The following CLOCK variants were observed in gnomAD, a reference collection of about 807,000 sequenced individuals.
CLOCK encodes clock circadian regulator, also known as circadian locomoter output cycles protein kaput.
Under a neutral mutation model 118.4 loss-of-function variants are expected in CLOCK, and 43 were observed. The ratio of observed to expected loss-of-function variants is 0.36; its 90% CI spans 0.28 to 0.47. CLOCK has a LOEUF of 0.47. Ranked by LOEUF, CLOCK falls within the 20% of genes least tolerant of loss-of-function variation. The probability of loss-of-function intolerance (pLI) is 1.00; values close to 1 mark genes in which losing one functional copy is unlikely to be tolerated. For synonymous variants in CLOCK, 326 were observed against 339.2 expected, an observed-to-expected ratio of 0.96 and a Z score of 0.43; for missense variants, 846 against 999.9, an observed-to-expected ratio of 0.85 and a Z score of 2.08.
At chr4:55,541,960 A>C (rs1731297605) in intron 1 of CLOCK, among the ~76,000 whole-genome samples, 1 of 152,026 alleles carries the variant, frequency 6.6e-6, no homozygotes. Flanking sequence ...CAAAAAAAAA[A>C]AAAACAGCCA....
intron 6 of CLOCK, among the ~76,000 whole-genome samples, chr4:55,476,507 G>A (rs1726520502): frequency 6.6e-6 from 1 of 152,160 alleles, no homozygotes; most frequent in South Asian, 2.1e-4. Flanking sequence ...GAATGCCTTA[G>A]GCCTGCCTAC....
chr4:55,495,394 G>A (rs1727997400), intron 2 of CLOCK, among the ~76,000 whole-genome samples: 1 of 152,110 alleles, frequency 6.6e-6, no homozygotes, highest in East Asian at 1.9e-4. Context: ...TCAAACAATG[G>A]CTTCTCTCTC....
rs1354044349 is a variant in CLOCK, at chr4:55,431,853, T to G, written c.*3562A>C. On this transcript the variant is annotated 3_prime_UTR_variant, in exon 23 of 23. Transcript: ENST00000513440. The stretch of plus-strand genomic sequence containing the variant: ...TTTCACTTGTCTGCGTAGAGTACTA[T>G]TTTAAGGATCCCTTTCTAAGGCTTC... 3 of 152,222 alleles carry G rather than the reference T, an allele frequency of 2.0e-5. No homozygotes were observed. The highest frequency in any genetic ancestry group is 7.2e-5 in the African/African-American group (3 of 41,458). The allele number at this position is 152,222 out of a possible 1,614,324, so 9.4% of individuals were successfully genotyped here.
At chr4:55,445,582 CTTTTTTTTTTTTTT>C (rs56157186) in intron 18 of CLOCK, among the ~76,000 whole-genome samples, 1 of 68,574 alleles carries the variant, frequency 1.5e-5, no homozygotes, top group Non-Finnish European at 2.7e-5. Flanking sequence ...TTTCTATATT[CTTTTTTTTTTTTTT>C]TTTTTTTTTT....
chr4:55,471,534 T>C (rs750325694), intron 7 of CLOCK, among the ~76,000 whole-genome samples: 8 of 152,132 alleles, frequency 5.3e-5, no homozygotes, highest in Non-Finnish European at 1.2e-4. Flanking sequence ...TCAGTAGTAT[T>C]AGGAATAAAG....
intron 2 of CLOCK, among the ~76,000 whole-genome samples, chr4:55,500,630 C>T (rs151178385): frequency 1.3e-5 from 2 of 152,276 alleles, no homozygotes; most frequent in East Asian, 1.9e-4. Flanking sequence ...GGATTAAAGG[C>T]ATGAGCCATA....
At chr4:55,531,432 C>A (rs1252413471) in intron 1 of CLOCK, among the ~76,000 whole-genome samples, 8 of 152,002 alleles carry the variant, frequency 5.3e-5, no homozygotes, top group Admixed American at 5.3e-4. Flanking sequence ...CCAGGCCAGG[C>A]GTGGTGGCTC....
chr4:55,500,832 G>C (rs904612899), intron 2 of CLOCK, among the ~76,000 whole-genome samples: 3 of 152,062 alleles, frequency 2.0e-5, no homozygotes, highest in Non-Finnish European at 4.4e-5. Flanking sequence ...TCGTTCTCCA[G>C]TGTTTCTGTT....
Position 55,435,161 on chromosome 4 carries a change from C to A in CLOCK, c.*254G>T, listed in dbSNP as rs1348515508. On this transcript the variant is annotated 3_prime_UTR_variant, in exon 23 of 23. Coordinates refer to ENST00000513440, the MANE Select transcript of CLOCK (RefSeq NM_004898.4). ...ATTTGGCAATATATTCTTTTTCCAT[C>A]AAAAAATATCCAGGCACCTAAAACA... 6.0e-6 allele frequency: 3 copies of A among 500,422 alleles called. No individual in the cohort carries two copies. The East Asian group carries it at 1.1e-4, about 18-fold the overall frequency. The allele number at this position is 500,422 out of a possible 1,614,324, so 31.0% of individuals were successfully genotyped here. A position where few individuals can be genotyped will look rare whatever the true frequency, so the allele number is the denominator to read the frequency against.
chr4:55,435,403 G>A lies in CLOCK; in HGVS notation c.*12C>T, dbSNP rs1354688658. On this transcript the variant is annotated 3_prime_UTR_variant, in exon 23 of 23. Coordinates refer to ENST00000513440, the MANE Select transcript of CLOCK (RefSeq NM_004898.4). ...CCTTCCTCCCTTGATGTCAAGAGAG[G>A]AAGCACGTGTGCTACTGTGGTTGAA... The A allele has an allele frequency of 6.2e-7, 1 of 1,613,790 alleles. No homozygotes were observed. The highest frequency in any genetic ancestry group is 8.5e-7 in the Non-Finnish European group (1 of 1,179,816).
chr4:55,455,142 A>G (rs535403294), intron 13 of CLOCK, among the ~76,000 whole-genome samples: 1 of 152,316 alleles, frequency 6.6e-6, no homozygotes, highest in East Asian at 1.9e-4. Flanking sequence ...GCTTTAGTGA[A>G]CACTCAAGAT....
intron 1 of CLOCK, among the ~76,000 whole-genome samples, chr4:55,531,466 G>A (rs141225933): frequency 1.7e-4 from 26 of 152,000 alleles, no homozygotes; most frequent in African/African-American, 5.5e-4. Context: ...CAGCATTTTG[G>A]GAGGCCGAGA....
intron 8 of CLOCK, among the ~76,000 whole-genome samples, chr4:55,465,604 G>A (rs1522113): frequency 0.035 from 5,270 of 152,226 alleles, 107 homozygotes; most frequent in Non-Finnish European, 0.054. Flanking sequence ...CTGTATTTCA[G>A]TAAAGGATTT....
intron 21 of CLOCK, among the ~76,000 whole-genome samples, chr4:55,441,319 G>A (rs149712312): frequency 7.9e-5 from 12 of 152,172 alleles, no homozygotes; most frequent in East Asian, 1.9e-4. Context: ...TGGTGGGAAC[G>A]TGAGATTTCT....
chr4:55,450,064 A>T, intron 16 of CLOCK, 27 bp downstream of exon 16: 1 of 1,613,818 alleles, frequency 6.2e-7, no homozygotes, highest in African/African-American at 1.3e-5. Context: ...CTTTAAAGGA[A>T]GTCTGCTTTG....
intron 3 of CLOCK, among the ~76,000 whole-genome samples, chr4:55,485,280 C>G (rs1307675338): frequency 6.6e-6 from 1 of 152,254 alleles, no homozygotes; most frequent in South Asian, 2.1e-4. Flanking sequence ...TAACTCTTAA[C>G]AGTCTAGCAC....
At chr4:55,496,029 A>G (rs1219279928) in intron 2 of CLOCK, among the ~76,000 whole-genome samples, 1 of 152,088 alleles carries the variant, frequency 6.6e-6, no homozygotes, top group Non-Finnish European at 1.5e-5. Flanking sequence ...TCTCTACTAA[A>G]AATACAAAAA....
chr4:55,545,470 C>G (rs564194549), intron 1 of CLOCK: 98 of 152,266 alleles, frequency 6.4e-4, no homozygotes, highest in Middle Eastern at 3.4e-3. Context: ...TTGGGGGGAT[C>G]AGCGTTATAG....
At chr4:55,444,886 T>C (rs1723676376) in intron 18 of CLOCK, 101 bp from the exon 19 acceptor site, 1 of 1,216,966 alleles carries the variant, frequency 8.2e-7, no homozygotes, top group Admixed American at 2.0e-5. Flanking sequence ...GAGTGAAGGA[T>C]GATAACATCC....
Sources: gnomAD v4.1 joint callset for allele counts (sites outside exome capture counted in the v4.1 genomes callset) on GRCh38, gnomAD v4.1.1 for gene constraint, MANE v1.5 for transcripts, NCBI Gene and HGNC (gene_info 2026-07-23, HGNC 2026-07-21) for gene names.